Variants in RBL1 observed in about 807,000 individuals in gnomAD.
RBL1 encodes RB transcriptional corepressor like 1, also known as retinoblastoma-like protein 1.
A neutral mutation model predicts 123.0 loss-of-function variants in RBL1; 82 were observed. That is an observed-to-expected ratio of 0.67 (90% CI 0.56 to 0.80). RBL1 has a LOEUF of 0.80. Among genes scored for constraint, RBL1 ranks in the 30% least tolerant of loss-of-function variants. RBL1 has a pLI of 0.00. For missense variants in RBL1, 1,171 were observed against 1,299.6 expected (o/e 0.90, Z 1.52); for synonymous variants, 405 against 441.3 (o/e 0.92, Z 1.03).
At chr20:37,044,634 C>T (rs180768893) in intron 12 of RBL1, among the ~76,000 whole-genome samples, 4 of 150,610 alleles carry the variant, frequency 2.7e-5, no homozygotes, top group South Asian at 2.1e-4. Context: ...CCACTGCGCC[C>T]GGCCACTGTG....
chr20:37,020,533 T>A (rs2064325589), intron 18 of RBL1, 126 bp downstream of exon 18: 8 of 689,866 alleles, frequency 1.2e-5, no homozygotes, highest in Non-Finnish European at 1.9e-5. Flanking sequence ...TTGAGTTTAA[T>A]GTTATCCATT....
chr20:37,065,081 A>G (rs2065157911), intron 7 of RBL1, among the ~76,000 whole-genome samples: 1 of 151,768 alleles, frequency 6.6e-6, no homozygotes, highest in African/African-American at 2.4e-5. Context: ...ACAGGCTCAC[A>G]CCACTACGTC....
At chr20:37,093,558 G>C (rs2065681420) in intron 1 of RBL1, among the ~76,000 whole-genome samples, 2 of 152,046 alleles carry the variant, frequency 1.3e-5, no homozygotes, top group Admixed American at 6.6e-5. Context: ...AACATCACTT[G>C]AGCACAGAAG....
rs1056887689 is a variant in RBL1 at position 37,049,813 on chromosome 20, G to A, written c.1468-2623C>T. 7.0e-5 allele frequency: 31 copies of A among 444,798 alleles called. 1 individual carries two copies. The South Asian group carries it at 7.7e-4, about 11-fold the overall frequency. The allele number at this position is 444,798 out of a possible 1,614,324, so 27.6% of individuals were successfully genotyped here. Reference sequence around the variant, plus strand: ...CATGGTGGCTCACACCTGTAATCCCGGCACTTTGGGAGGCTGAGGTGGGTG... The same window carrying A: ...CATGGTGGCTCACACCTGTAATCCCAGCACTTTGGGAGGCTGAGGTGGGTG... On this transcript the variant is annotated intron_variant, in intron 11 of 21. Coordinates refer to ENST00000373664, the MANE Select transcript of RBL1 (RefSeq NM_002895.5).
At position 37,007,458 on chromosome 20, in the gene RBL1, C is replaced by T. The variant is rs1181075512; in HGVS notation, c.2824G>A (p.Val942Met). The T allele has an allele frequency of 3.7e-6, 6 of 1,613,910 alleles. No individual in the cohort carries two copies. In the South Asian group the frequency reaches 6.6e-5, roughly 18 times the overall value. Residue 942 changes from valine (V) to methionine (M), a missense_variant, in exon 20 of 22, where the codon GTG becomes ATG. Val to Met is a conservative substitution (Grantham distance 21). Transcript: ENST00000373664. ...KFYNTIYVGR[V>M]KSFALKYDLA... ...TCGTATTTCAGTGCAAATGACTTCA[C>T]TCTTCCTACATATATTGTATTGTAA...
rs1466932698 is a variant in RBL1, at chr20:37,058,129, ACAAAAC to A, written c.1251-1877_1251-1872del. ...GAAACTCTGTCTAAAAAAAAAAAAA[ACAAAAC>A]AAAACAAAAAAAAAAAAGCCTATTC... On this transcript the variant is annotated intron_variant, in intron 9 of 21. Coordinates refer to ENST00000373664, the MANE Select transcript of RBL1 (RefSeq NM_002895.5). Among the ~76,000 whole-genome samples the A allele has an allele frequency of 2.4e-3, 341 of 142,032 alleles. 9 individuals are homozygous for A. Among genetic ancestry groups the A allele is most frequent in the East Asian group, 5.0e-3 (20 of 3,992 alleles). 93.2% of individuals were successfully genotyped at this position (142,032 alleles called of 152,430 possible). A position where few individuals can be genotyped will look rare whatever the true frequency, so the allele number is the denominator to read the frequency against.
At chr20:37,057,780 G>C (rs1270167032) in intron 9 of RBL1, among the ~76,000 whole-genome samples, 1 of 152,110 alleles carries the variant, frequency 6.6e-6, no homozygotes, top group Non-Finnish European at 1.5e-5. Flanking sequence ...CTTGAGGCCA[G>C]GAGTTGGAGA....
At chr20:37,039,937 C>T (rs2146259997) in intron 14 of RBL1, among the ~76,000 whole-genome samples, 1 of 152,110 alleles carries the variant, frequency 6.6e-6, no homozygotes, top group South Asian at 2.1e-4. Context: ...AAATAAATTA[C>T]ATTTAAAATT....
intron 12 of RBL1, among the ~76,000 whole-genome samples, chr20:37,044,744 A>G (rs1422436340): frequency 6.6e-6 from 1 of 152,214 alleles, no homozygotes; most frequent in Non-Finnish European, 1.5e-5. Context: ...GTTCTTTAAA[A>G]TATGTTCACA....
At chr20:37,030,887 A>G (rs1463303503) in intron 16 of RBL1, among the ~76,000 whole-genome samples, 1 of 151,574 alleles carries the variant, frequency 6.6e-6, no homozygotes, top group Non-Finnish European at 1.5e-5. Flanking sequence ...AAAAACCCAA[A>G]AAACGAAAAT....
intron 2 of RBL1, among the ~76,000 whole-genome samples, chr20:37,075,275 G>C (rs1174038546): frequency 6.6e-6 from 1 of 152,116 alleles, no homozygotes; most frequent in Non-Finnish European, 1.5e-5. Flanking sequence ...TCCTAAAATG[G>C]ATTGTGGTGG....
intron 2 of RBL1, 59 bp from the exon 3 acceptor site, chr20:37,068,245 G>T (rs141821962): frequency 2.2e-4 from 328 of 1,491,652 alleles, no homozygotes; most frequent in Non-Finnish European, 2.8e-4. Flanking sequence ...ATAATGGATT[G>T]AAAGGAAATA....
chr20:37,061,326 G>T, intron 8 of RBL1, 57 bp from the exon 9 acceptor site: 1 of 1,571,224 alleles, frequency 6.4e-7, no homozygotes, highest in Non-Finnish European at 8.6e-7. Context: ...CTTATTATGT[G>T]TTTAATTCAG....
intron 13 of RBL1, among the ~76,000 whole-genome samples, chr20:37,043,324 T>C (rs1479273187): frequency 1.3e-5 from 2 of 151,362 alleles, no homozygotes; most frequent in Non-Finnish European, 2.9e-5. Context: ...CCGTCTCTAC[T>C]AAAAAAAGTA....
chr20:37,055,770 CGGGAATG>C (rs2064993700), intron 10 of RBL1, 114 bp from the exon 11 acceptor site: 3 of 1,063,872 alleles, frequency 2.8e-6, no homozygotes, highest in Non-Finnish European at 3.9e-6. Flanking sequence ...CAGGGCAGGC[CGGGAATG>C]GTGGCTCACG....
Position 37,035,506 on chromosome 20 carries a change from T to C in RBL1, c.1906A>G (p.Met636Val). Residue 636 changes from methionine (M) to valine (V), a missense_variant and splice_region_variant, in exon 15 of 22, where the codon ATG (methionine) becomes GTG (valine). Physicochemically the swap from Met to Val is conservative, Grantham distance 21. Transcript: ENST00000373664. Reference protein sequence around the residue: ...RTDSGSLRRDMQPLSPISVHE... With the variant: ...RTDSGSLRRDVQPLSPISVHE... ...ACAGAAATTGGAGACAATGGTTGCA[T>C]ATCTAAAAAAAAATAATAAATTTAA... 5 of 1,553,960 alleles carry C rather than the reference T, an allele frequency of 3.2e-6. No homozygotes were observed. The South Asian group carries it at 6.1e-5, about 19-fold the overall frequency.
At chr20:37,069,710 G>A (rs1462171429) in intron 2 of RBL1, among the ~76,000 whole-genome samples, 6 of 151,754 alleles carry the variant, frequency 4.0e-5, no homozygotes, top group African/African-American at 7.3e-5. Flanking sequence ...AGTGAGGAGC[G>A]TCTCCGCCTG....
At chr20:37,029,325 T>C (rs989028507) in intron 16 of RBL1, among the ~76,000 whole-genome samples, 4 of 152,204 alleles carry the variant, frequency 2.6e-5, no homozygotes, top group African/African-American at 4.8e-5. Context: ...AGAATCCCCA[T>C]GTACAAAAAG....
chr20:37,007,390 G>C, intron 20 of RBL1, 21 bp downstream of exon 20: 1 of 1,602,476 alleles, frequency 6.2e-7, no homozygotes, highest in Non-Finnish European at 8.5e-7. Flanking sequence ...TAATAATAAA[G>C]TAGTAAAACA....
Sources: allele counts gnomAD v4.1 joint callset (sites outside exome capture counted in the v4.1 genomes callset), GRCh38; gene constraint gnomAD v4.1.1; transcripts MANE v1.5; gene names NCBI Gene and HGNC (gene_info 2026-07-23, HGNC 2026-07-21).